The following RCOR1 variants were observed in gnomAD, a reference collection of about 807,000 sequenced individuals.
RCOR1 encodes REST corepressor.
Under a neutral mutation model 64.0 loss-of-function variants are expected in RCOR1, and 12 were observed. That is an observed-to-expected ratio of 0.19 (90% CI 0.12 to 0.30). RCOR1 has a LOEUF of 0.30. Among genes scored for constraint, RCOR1 ranks in the 10% least tolerant of loss-of-function variants. RCOR1 has a pLI of 1.00. For missense variants in RCOR1, 502 were observed against 621.2 expected (o/e 0.81, Z 2.04); for synonymous variants, 279 against 227.2 (o/e 1.23, Z -2.05).
At chr14:102,601,964 G>T (rs1893407982) in intron 2 of RCOR1, among the ~76,000 whole-genome samples, 1 of 152,026 alleles carries the variant, frequency 6.6e-6, no homozygotes. Flanking sequence ...TTCGAGACCA[G>T]CCTGGCCAAC....
rs57847726 is a variant in RCOR1, at chr14:102,655,951, TCACACACACACACACACACACACA to T, written c.362-25930_362-25907del. On this transcript the variant is annotated intron_variant, in intron 2 of 11. Transcript: ENST00000262241. ...CTGGGCAACAGAGTGAGACTTTTTG[TCACACACACACACACACACACACA>T]CACACACACACACGTGAAATAAACC... The T allele has an allele frequency of 7.9e-6, 6 of 763,052 alleles. No individual in the cohort carries two copies. The African/African-American group carries it at 1.2e-4, about 15-fold the overall frequency. 47.3% of individuals were successfully genotyped at this position (763,052 alleles called of 1,614,324 possible). A position where few individuals can be genotyped will look rare whatever the true frequency, so the allele number is the denominator to read the frequency against.
rs114074313 is a variant in RCOR1, at chr14:102,721,728, C to G, written c.1189+351C>G. On this transcript the variant is annotated intron_variant, in intron 10 of 11. Coordinates refer to ENST00000262241, the MANE Select transcript of RCOR1 (RefSeq NM_015156.4). ...CCTTTGGGCTTTTTTCTTTTCCTTT[C>G]CCACTTCTCACAAGTTGTAAAAACT... 3.2e-3 allele frequency among the ~76,000 whole-genome samples: 490 copies of G among 152,098 alleles called. 4 individuals carry two copies. The highest frequency in any genetic ancestry group is 0.011 in the African/African-American group (439 of 41,490).
intron 2 of RCOR1, among the ~76,000 whole-genome samples, chr14:102,640,907 C>T (rs534803287): frequency 1.3e-5 from 2 of 152,248 alleles, no homozygotes; most frequent in South Asian, 2.1e-4. Flanking sequence ...CTGCAGTGAA[C>T]TGCCATTGCA....
chr14:102,615,084 G>A (rs1893727677), intron 2 of RCOR1, among the ~76,000 whole-genome samples: 1 of 151,246 alleles, frequency 6.6e-6, no homozygotes, highest in South Asian at 2.1e-4. Context: ...GCCCGCCTTG[G>A]CCTCCCAAAG....
At chr14:102,624,875 T>C (rs1893949959) in intron 2 of RCOR1, among the ~76,000 whole-genome samples, 1 of 151,976 alleles carries the variant, frequency 6.6e-6, no homozygotes, top group African/African-American at 2.4e-5. Flanking sequence ...ATACCTACAC[T>C]TCCCTTTTGT....
intron 2 of RCOR1, among the ~76,000 whole-genome samples, chr14:102,623,440 G>A (rs1366291848): frequency 1.3e-5 from 2 of 149,718 alleles, no homozygotes; most frequent in South Asian, 2.1e-4. Flanking sequence ...ACGGAGTCTC[G>A]CTCTGTCGCC....
chr14:102,600,063 GATTT>G (rs1408511486), intron 2 of RCOR1, among the ~76,000 whole-genome samples: 2 of 151,948 alleles, frequency 1.3e-5, no homozygotes, highest in Non-Finnish European at 2.9e-5. Context: ...AATGCTTTGT[GATTT>G]ATTTATTTAA....
chr14:102,604,966 G>A (rs1255377625), intron 2 of RCOR1, among the ~76,000 whole-genome samples: 1 of 151,098 alleles, frequency 6.6e-6, no homozygotes, highest in Non-Finnish European at 1.5e-5. Context: ...CATTTTGGGA[G>A]GCTGAGGCGC....
intron 8 of RCOR1, among the ~76,000 whole-genome samples, chr14:102,715,362 C>T (rs919301215): frequency 2.7e-5 from 4 of 150,548 alleles, no homozygotes; most frequent in African/African-American, 7.3e-5. Flanking sequence ...TGAGCCACCG[C>T]GCCCGGCCCT....
intron 3 of RCOR1, among the ~76,000 whole-genome samples, chr14:102,687,086 C>T (rs532924476): frequency 6.8e-4 from 104 of 152,266 alleles, no homozygotes; most frequent in African/African-American, 2.2e-3. Context: ...ATACGGAATT[C>T]GTGTTTATCT....
intron 3 of RCOR1, among the ~76,000 whole-genome samples, chr14:102,683,251 C>G (rs781052512): frequency 1.3e-5 from 2 of 152,104 alleles, no homozygotes; most frequent in Non-Finnish European, 2.9e-5. Context: ...CACTGAGGCT[C>G]CCAGTGGACA....
chr14:102,694,570 C>T (rs114106616), intron 3 of RCOR1, among the ~76,000 whole-genome samples: 3,869 of 152,222 alleles, frequency 0.025, 135 homozygotes, highest in African/African-American at 0.077. Context: ...CCATTGCGCC[C>T]GGCCAAGAAA....
In RCOR1 at chr14:102,593,030, CGCCGCCGCCTCCTCAGCCTCG is replaced by C. The variant is rs772474482; in HGVS notation, c.154_174del (p.Ser52_Ala58del). 1.9e-5 allele frequency: 24 copies of C among 1,265,908 alleles called. No individual in the cohort carries two copies. The highest frequency in any genetic ancestry group is 3.1e-4 in the Middle Eastern group (1 of 3,258). The allele number at this position is 1,265,908 out of a possible 1,614,324, so 78.4% of individuals were successfully genotyped here. On this transcript the variant is annotated inframe_deletion, in exon 1 of 12. Transcript: ENST00000262241. ...CGCCAGCCGCCACTGCCGCCTCGGG[CGCCGCCGCCTCCTCAGCCTCG>C]GCCGCCGCCGCCTCAGCCGCCGCCG...
chr14:102,637,723 T>G (rs991090764), intron 2 of RCOR1, among the ~76,000 whole-genome samples: 1 of 152,238 alleles, frequency 6.6e-6, no homozygotes, highest in Non-Finnish European at 1.5e-5. Flanking sequence ...GTGCTGAGAT[T>G]ACAGGCTTGA....
At chr14:102,616,734 C>G (rs1279894895) in intron 2 of RCOR1, among the ~76,000 whole-genome samples, 2 of 152,154 alleles carry the variant, frequency 1.3e-5, no homozygotes, top group Non-Finnish European at 2.9e-5. Flanking sequence ...TGCAATCCCC[C>G]ATGTGTTTGG....
intron 2 of RCOR1, among the ~76,000 whole-genome samples, chr14:102,638,824 G>C (rs1186319927): frequency 6.6e-6 from 1 of 151,098 alleles, no homozygotes; most frequent in East Asian, 2.0e-4. Flanking sequence ...CACCACATCC[G>C]GGTAATGTTT....
At chr14:102,712,486 G>A (rs1413448583) in intron 7 of RCOR1, among the ~76,000 whole-genome samples, 1 of 151,894 alleles carries the variant, frequency 6.6e-6, no homozygotes, top group Non-Finnish European at 1.5e-5. Context: ...TCATAATTGA[G>A]TTACCTTATC....
At chr14:102,607,646 G>A (rs1277528285) in intron 2 of RCOR1, among the ~76,000 whole-genome samples, 2 of 152,124 alleles carry the variant, frequency 1.3e-5, no homozygotes, top group East Asian at 3.9e-4. Context: ...CACTTTGAGA[G>A]GCTGAGGTGG....
At chr14:102,721,404 T>C in intron 10 of RCOR1, 27 bp downstream of exon 10, 2 of 1,586,432 alleles carry the variant, frequency 1.3e-6, no homozygotes, top group Admixed American at 1.7e-5. Flanking sequence ...CTAAAGAGTT[T>C]AGGAGGCCGG....
Sources: gnomAD v4.1 joint callset for allele counts (sites outside exome capture counted in the v4.1 genomes callset) on GRCh38, gnomAD v4.1.1 for gene constraint, MANE v1.5 for transcripts, NCBI Gene and HGNC (gene_info 2026-07-23, HGNC 2026-07-21) for gene names.